NCS1: variants seen among roughly 807,000 people sequenced by gnomAD.
The protein encoded by NCS1 is neuronal calcium sensor 1.
NCS1 carries 6 observed loss-of-function variants against 28.4 expected under a neutral mutation model. That is an observed-to-expected ratio of 0.21 (90% CI 0.12 to 0.42). NCS1 has a LOEUF of 0.42. Among genes scored for constraint, NCS1 ranks in the 10% least tolerant of loss-of-function variants. The pLI is 1.00. For missense variants in NCS1, 131 were observed against 241.4 expected, an observed-to-expected ratio of 0.54 and a Z score of 3.03; for synonymous variants, 86 against 99.3, an observed-to-expected ratio of 0.87 and a Z score of 0.79.
At chr9:130,189,209 G>A (rs973164182) in intron 1 of NCS1, among the ~76,000 whole-genome samples, 1 of 152,192 alleles carries the variant, frequency 6.6e-6, no homozygotes, top group Admixed American at 6.5e-5. Flanking sequence ...AGGAAAGGGT[G>A]AAAATCCTGT....
rs1228030713 is a variant in NCS1 at position 130,224,112 on chromosome 9, C to A, written c.474+953C>A. Among the ~76,000 whole-genome samples, 61 of 149,508 alleles carry A rather than the reference C, an allele frequency of 4.1e-4. 3 individuals are homozygous for A. Among genetic ancestry groups the A allele is most frequent in the Non-Finnish European group, 1.5e-5 (1 of 67,386 alleles). On this transcript the variant is annotated intron_variant, in intron 6 of 7. Coordinates refer to ENST00000372398, the MANE Select transcript of NCS1 (RefSeq NM_014286.4). ...CCACCAGCCTCGGCCTCCCAAAGTG[C>A]TGGGATTATAGGCGTGAGCCACCGT...
At position 130,186,837 on chromosome 9, in the gene NCS1, G is replaced by A. The variant is rs570310668; in HGVS notation, c.64+14110G>A. Among the ~76,000 whole-genome samples the A allele has an allele frequency of 2.4e-4, 36 of 152,306 alleles. No individual in the cohort carries two copies. In the South Asian group the frequency reaches 6.6e-3, roughly 28 times the overall value. The stretch of plus-strand genomic sequence containing the variant: ...CTGTGGCCGTGAGGGTGCTGATGGC[G>A]GGAGGGCCCTGATGGCAGGAGGGCC... On this transcript the variant is annotated intron_variant, in intron 1 of 7. Coordinates refer to ENST00000372398, the MANE Select transcript of NCS1 (RefSeq NM_014286.4). This position sits in a 1 kb window ranked among gnomAD's most constrained non-coding sequence, Gnocchi z 4.1.
intron 1 of NCS1, among the ~76,000 whole-genome samples, chr9:130,183,623 A>C (rs931339802): frequency 2.0e-5 from 3 of 151,906 alleles, no homozygotes; most frequent in African/African-American, 7.3e-5. Flanking sequence ...TTGGGGATGG[A>C]AAGTGGCCTC....
chr9:130,208,908 G>C (rs1833070335), intron 2 of NCS1, among the ~76,000 whole-genome samples: 1 of 152,152 alleles, frequency 6.6e-6, no homozygotes, highest in African/African-American at 2.4e-5. Context: ...TCTGGGTCCA[G>C]CTCGCTCTGC....
At position 130,191,999 on chromosome 9, in the gene NCS1, G is replaced by A. The variant is rs1177795067; in HGVS notation, c.65-8959G>A. On this transcript the variant is annotated intron_variant, in intron 1 of 7. Coordinates refer to ENST00000372398, the MANE Select transcript of NCS1 (RefSeq NM_014286.4). The surrounding 1 kb of genome is among the most constrained non-coding windows in gnomAD (Gnocchi z 6.4). ...GGGGAACGCGCGGCGAGTGGGTCAGGGCGAGGGGCTCCTGCAGCGGCTTTG... is the reference window on the plus strand; with the variant it reads ...GGGGAACGCGCGGCGAGTGGGTCAGAGCGAGGGGCTCCTGCAGCGGCTTTG... 6.6e-6 allele frequency among the ~76,000 whole-genome samples: 1 copy of A among 152,164 alleles called. No homozygotes were observed. Among genetic ancestry groups the A allele is most frequent in the Non-Finnish European group, 1.5e-5 (1 of 68,024 alleles).
intron 7 of NCS1, among the ~76,000 whole-genome samples, chr9:130,228,927 C>G (rs901889692): frequency 1.3e-5 from 2 of 152,056 alleles, no homozygotes; most frequent in African/African-American, 4.8e-5. Flanking sequence ...ACCTCAGCCT[C>G]CCAAAGTGCT....
intron 1 of NCS1, among the ~76,000 whole-genome samples, chr9:130,183,842 C>T (rs1301135524): frequency 6.7e-6 from 1 of 149,514 alleles, no homozygotes; most frequent in Non-Finnish European, 1.5e-5. Flanking sequence ...CAGAGTCTCG[C>T]TCTGTCGCCC....
chr9:130,189,348 A>G (rs1832784472), intron 1 of NCS1, among the ~76,000 whole-genome samples: 1 of 152,224 alleles, frequency 6.6e-6, no homozygotes, highest in Non-Finnish European at 1.5e-5. Flanking sequence ...GGGCTAAAGA[A>G]TGAGTCAGTT....
chr9:130,203,122 G>GTA (rs71499224), intron 2 of NCS1, among the ~76,000 whole-genome samples: 3 of 98,360 alleles, frequency 3.1e-5, no homozygotes, highest in Admixed American at 1.3e-4. Context: ...GCGTGTGTAT[G>GTA]TATATATATA....
At position 130,225,139 on chromosome 9, in the gene NCS1, C is replaced by T. The variant is rs148912797; in HGVS notation, c.475-1250C>T. 2.8e-3 allele frequency among the ~76,000 whole-genome samples: 425 copies of T among 152,274 alleles called. 1 individual carries two copies. Among genetic ancestry groups the T allele is most frequent in the African/African-American group, 9.4e-3 (390 of 41,548 alleles). On this transcript the variant is annotated intron_variant, in intron 6 of 7. Transcript: ENST00000372398. The stretch of plus-strand genomic sequence containing the variant: ...CCTGAGAAACCAAGTCTGCTGTGAG[C>T]CGTGATGGTGCCATTGCACTCCAGC...
In NCS1 at chr9:130,177,919, T is replaced by G. The variant is rs868921188; in HGVS notation, c.64+5192T>G. Among the ~76,000 whole-genome samples the G allele has an allele frequency of 1.3e-5, 2 of 152,234 alleles. No individual in the cohort carries two copies. The highest frequency in any genetic ancestry group is 2.4e-5 in the African/African-American group (1 of 41,466). ...CAAACCTCCTCTCACCGGCTTCACT[T>G]TCCGCCTCTGGAAAATGGGCAGTTT... is the stretch of plus-strand genomic sequence containing the variant. On this transcript the variant is annotated intron_variant, in intron 1 of 7. Coordinates refer to ENST00000372398, the MANE Select transcript of NCS1 (RefSeq NM_014286.4). This position sits in a 1 kb window ranked among gnomAD's most constrained non-coding sequence, Gnocchi z 4.4.
intron 3 of NCS1, among the ~76,000 whole-genome samples, chr9:130,218,582 G>A (rs1478525342): frequency 1.3e-5 from 2 of 150,038 alleles, no homozygotes; most frequent in African/African-American, 4.9e-5. Context: ...CTATGTTTAA[G>A]CTCTTTACAT....
At chr9:130,201,020 C>G (rs1180651415) in intron 2 of NCS1, 38 bp downstream of exon 2, 5 of 1,613,696 alleles carry the variant, frequency 3.1e-6, no homozygotes, top group Middle Eastern at 1.6e-4. Context: ...AGAGGGGCTG[C>G]GGCTGTGGGC....
At chr9:130,221,409 T>TAGAGAGAG (rs1459781990) in intron 4 of NCS1, among the ~76,000 whole-genome samples, 3 of 46,102 alleles carry the variant, frequency 6.5e-5, no homozygotes, top group African/African-American at 3.0e-4. Flanking sequence ...TATATATATA[T>TAGAGAGAG]ATATAGAGAG....
In NCS1 at chr9:130,228,733, T is replaced by C. The variant is rs139038487; in HGVS notation, c.*17+2229T>C. ...CTAGGCTGGAGTGCAGTGACATGAT[T>C]TCAGCTCACTGCAGCCTCTGCCTCC... On this transcript the variant is annotated intron_variant, in intron 7 of 7. Coordinates refer to ENST00000372398, the MANE Select transcript of NCS1 (RefSeq NM_014286.4). Among the ~76,000 whole-genome samples, 1,276 of 151,400 alleles carry C rather than the reference T, an allele frequency of 8.4e-3. 15 individuals are homozygous for C. Among genetic ancestry groups the C allele is most frequent in the East Asian group, 0.038 (194 of 5,132 alleles).
chr9:130,215,656 GACCTGCCGAGGGAACC>G lies in NCS1; in HGVS notation c.90-2172_90-2157del, dbSNP rs1833172391. On this transcript the variant is annotated intron_variant, in intron 2 of 7. Transcript: ENST00000372398. The surrounding 1 kb of genome is among the most constrained non-coding windows in gnomAD (Gnocchi z 4.2). ...ATCTGTGAAATGGGATGGTTGGGCCGACCTGCCGAGGGAACCACCCTCTCAGCACAGTGCCTGGGTT... is the reference window on the plus strand; with the variant it reads ...ATCTGTGAAATGGGATGGTTGGGCCGACCCTCTCAGCACAGTGCCTGGGTT... Among the ~76,000 whole-genome samples the G allele has an allele frequency of 6.6e-6, 1 of 152,154 alleles. No homozygotes were observed. The highest frequency in any genetic ancestry group is 2.1e-4 in the South Asian group (1 of 4,824).
chr9:130,218,308 A>G (rs1430089630), intron 3 of NCS1, among the ~76,000 whole-genome samples: 1 of 152,264 alleles, frequency 6.6e-6, no homozygotes, highest in African/African-American at 2.4e-5. Context: ...ACATACATGG[A>G]GATGCAGCCA....
intron 7 of NCS1, among the ~76,000 whole-genome samples, chr9:130,229,435 A>T (rs1298258418): frequency 6.6e-6 from 1 of 151,768 alleles, no homozygotes; most frequent in Non-Finnish European, 1.5e-5. Flanking sequence ...TTGTACTTTT[A>T]GTAGAGATGG....
Position 130,175,270 on chromosome 9 carries a change from C to T in NCS1, c.64+2543C>T, listed in dbSNP as rs79909396. The stretch of plus-strand genomic sequence containing the variant: ...AGAGAAAGCTTCCAGCTTGTTCTCC[C>T]GCCCCCAGATGGGCTTCCTTCTGAT... On this transcript the variant is annotated intron_variant, in intron 1 of 7. Transcript: ENST00000372398. The surrounding 1 kb of genome is among the most constrained non-coding windows in gnomAD (Gnocchi z 4.9). Among the ~76,000 whole-genome samples the T allele has an allele frequency of 2.6e-5, 4 of 152,128 alleles. No individual in the cohort carries two copies. Among genetic ancestry groups the T allele is most frequent in the Admixed American group, 2.6e-4 (4 of 15,272 alleles).
Sources: allele counts gnomAD v4.1 joint callset (sites outside exome capture counted in the v4.1 genomes callset), GRCh38; gene constraint gnomAD v4.1.1; non-coding constraint Gnocchi (gnomAD v3.1); transcripts MANE v1.5; gene names NCBI Gene and HGNC (gene_info 2026-07-23, HGNC 2026-07-21).